Variants in KDM5A observed in about 807,000 individuals in gnomAD.
The protein encoded by KDM5A is lysine-specific demethylase 5A.
KDM5A carries 42 observed loss-of-function variants against 193.5 expected under a neutral mutation model. The observed-to-expected ratio is 0.22, with a 90% confidence interval of 0.17 to 0.28. The LOEUF is 0.28. Among genes scored for constraint, KDM5A ranks in the 10% least tolerant of loss-of-function variants. The pLI, the probability that KDM5A is intolerant of heterozygous loss-of-function variation, is 1.00. For missense variants in KDM5A, 1,692 were observed against 2,055.1 expected (o/e 0.82, Z 3.42); for synonymous variants, 796 against 718.1 (o/e 1.11, Z -1.73).
chr12:294,903 G>A (rs745413691), intron 26 of KDM5A, among the ~76,000 whole-genome samples: 32 of 152,268 alleles, frequency 2.1e-4, no homozygotes, highest in Admixed American at 3.3e-4. Context: ...AGGACCAAAT[G>A]AGCTCATGGA....
chr12:364,793 A>C lies in KDM5A; in HGVS notation c.537+1141T>G, dbSNP rs544870386. ...GAGTCTCATCTCAAAAAAAAAAAAA[A>C]AAACAAACAAACAAATTTACACATA... On this transcript the variant is annotated intron_variant, in intron 4 of 27. Coordinates refer to ENST00000399788, the MANE Select transcript of KDM5A (RefSeq NM_001042603.3). Among the ~76,000 whole-genome samples the C allele has an allele frequency of 3.0e-4, 46 of 151,508 alleles. 1 individual carries two copies. In the South Asian group the frequency reaches 6.7e-3, roughly 22 times the overall value.
At position 284,745 on chromosome 12, in the gene KDM5A, G is replaced by A; in HGVS notation, c.*711C>T. 1 of 232,908 alleles carries A rather than the reference G, an allele frequency of 4.3e-6. No homozygotes were observed. The highest frequency in any genetic ancestry group is 8.5e-6 in the Non-Finnish European group (1 of 117,788). 14.4% of individuals were successfully genotyped at this position (232,908 alleles called of 1,614,324 possible). On this transcript the variant is annotated 3_prime_UTR_variant, in exon 28 of 28. Coordinates refer to ENST00000399788, the MANE Select transcript of KDM5A (RefSeq NM_001042603.3). ...CCAAAAAACGGCTCCTTGCCTTGTAGTAGGTTCTTCTCCTCAGAATCCAAT... is the reference window on the plus strand; with the variant it reads ...CCAAAAAACGGCTCCTTGCCTTGTAATAGGTTCTTCTCCTCAGAATCCAAT...
At chr12:296,583 A>C (rs1943377379) in intron 25 of KDM5A, among the ~76,000 whole-genome samples, 1 of 152,170 alleles carries the variant, frequency 6.6e-6, no homozygotes, top group Admixed American at 6.5e-5. Context: ...TTGTGACCTA[A>C]AGTAATGTGA....
chr12:370,124 G>A (rs927488463), intron 3 of KDM5A, among the ~76,000 whole-genome samples: 1 of 152,194 alleles, frequency 6.6e-6, no homozygotes, highest in South Asian at 2.1e-4. Context: ...CAGGCATAGT[G>A]GCTCATGCCT....
chr12:300,067 G>A (rs1402224553), intron 24 of KDM5A, among the ~76,000 whole-genome samples: 2 of 151,972 alleles, frequency 1.3e-5, no homozygotes, highest in African/African-American at 2.4e-5. Flanking sequence ...AAGAGACTCA[G>A]ACTCCCACAC....
intron 14 of KDM5A, among the ~76,000 whole-genome samples, chr12:324,182 T>C (rs191579402): frequency 3.9e-5 from 6 of 152,252 alleles, no homozygotes; most frequent in African/African-American, 1.4e-4. Context: ...GGTGCATGCC[T>C]GTAGTCCCAG....
At chr12:306,218 C>T (rs551121092) in intron 24 of KDM5A, among the ~76,000 whole-genome samples, 1 of 152,084 alleles carries the variant, frequency 6.6e-6, no homozygotes, top group African/African-American at 2.4e-5. Context: ...AGTGATCCTT[C>T]CACCTCAGTC....
intron 24 of KDM5A, among the ~76,000 whole-genome samples, chr12:298,092 G>C (rs149015260): frequency 0.011 from 1,641 of 152,334 alleles, 14 homozygotes; most frequent in Middle Eastern, 0.027. Context: ...CAGAGCACCT[G>C]GGGGAAGGGG....
chr12:296,247 G>A (rs116438276), intron 25 of KDM5A, among the ~76,000 whole-genome samples: 59 of 151,786 alleles, frequency 3.9e-4, no homozygotes, highest in African/African-American at 1.4e-3. Context: ...TCTTGAACTA[G>A]GCAGGGGGAG....
At chr12:319,039 T>G (rs892511992) in intron 18 of KDM5A, among the ~76,000 whole-genome samples, 5 of 152,172 alleles carry the variant, frequency 3.3e-5, no homozygotes, top group African/African-American at 1.2e-4. Flanking sequence ...AGAATGAGCT[T>G]GGTGTGTTGC....
Position 321,098 on chromosome 12 carries a change from T to C in KDM5A, c.2438A>G (p.Asp813Gly). ...CAGTTTGGTCCGAGTCCTCCCACTA[T>C]CTGGGCTCTGTCTGATGTGAAATAA... ...SKKQKHRQSP[D>G]SGRTRTKLTV... is the part of the protein sequence containing the mutation. Residue 813 changes from aspartate to glycine, a missense_variant, in exon 18 of 28, where the codon GAT becomes GGT. This residue lies in a region of KDM5A where 965 missense variants were observed against 1,061.0 expected (regional missense o/e 0.91). Coordinates refer to ENST00000399788, the MANE Select transcript of KDM5A (RefSeq NM_001042603.3). 1 of 1,611,472 alleles carries C rather than the reference T, an allele frequency of 6.2e-7. No homozygotes were observed. The highest frequency in any genetic ancestry group is 8.5e-7 in the Non-Finnish European group (1 of 1,177,548).
chr12:311,566 G>A (rs971897340), intron 20 of KDM5A, among the ~76,000 whole-genome samples: 5 of 152,260 alleles, frequency 3.3e-5, no homozygotes, highest in South Asian at 4.1e-4. Context: ...AAATAAAACA[G>A]CCAATTAAAG....
chr12:321,814 T>G (rs1160259030), intron 17 of KDM5A, among the ~76,000 whole-genome samples: 4 of 152,202 alleles, frequency 2.6e-5, no homozygotes, highest in Non-Finnish European at 5.9e-5. Context: ...AGAGTTTCTA[T>G]TTGTTCATTT....
At chr12:339,283 T>C (rs1363354956) in intron 10 of KDM5A, among the ~76,000 whole-genome samples, 1 of 152,140 alleles carries the variant, frequency 6.6e-6, no homozygotes, top group Non-Finnish European at 1.5e-5. Context: ...AGTGAAAAGC[T>C]GGTAGTTATC....
rs1206888364 is a variant in KDM5A at position 310,028 on chromosome 12, T to C, written c.3217-64A>G. ...AAAATAATCTTAAAAGTAAAAATAA[T>C]AAAGGAACCATTTGTTGACTGTTCA... On this transcript the variant is annotated intron_variant, in intron 21 of 27. Transcript: ENST00000399788. 8 of 1,532,308 alleles carry C rather than the reference T, an allele frequency of 5.2e-6. No individual in the cohort carries two copies. The African/African-American group carries it at 1.1e-4, about 21-fold the overall frequency. The allele number at this position is 1,532,308 out of a possible 1,614,324, so 94.9% of individuals were successfully genotyped here.
In KDM5A at chr12:389,182, A is replaced by C; in HGVS notation, c.-91T>G. On this transcript the variant is annotated 5_prime_UTR_variant, in exon 1 of 28. Transcript: ENST00000399788. ...ACTAAGCCCGTTCAAGTCCCCTGAC[A>C]GAGGCCGAAGCGCATCTTCGCGGAC... 8.3e-7 allele frequency: 1 copy of C among 1,211,472 alleles called. No homozygotes were observed. Among genetic ancestry groups the C allele is most frequent in the Non-Finnish European group, 1.2e-6 (1 of 815,304 alleles). 75.0% of individuals were successfully genotyped at this position (1,211,472 alleles called of 1,614,324 possible). A position where few individuals can be genotyped will look rare whatever the true frequency, so the allele number is the denominator to read the frequency against.
chr12:380,974 T>C (rs933335746), intron 3 of KDM5A, among the ~76,000 whole-genome samples: 2 of 144,026 alleles, frequency 1.4e-5, no homozygotes, highest in Middle Eastern at 6.5e-3. Flanking sequence ...TTTTGCATAA[T>C]TAGTAGAGAT....
At chr12:332,379 T>A (rs1943876673) in intron 12 of KDM5A, among the ~76,000 whole-genome samples, 1 of 152,224 alleles carries the variant, frequency 6.6e-6, no homozygotes, top group Non-Finnish European at 1.5e-5. Flanking sequence ...AAATCAGTTT[T>A]CCTGAAATCT....
At chr12:320,474 C>T (rs1443283392) in intron 18 of KDM5A, among the ~76,000 whole-genome samples, 9 of 152,134 alleles carry the variant, frequency 5.9e-5, no homozygotes, top group East Asian at 3.9e-4. Flanking sequence ...CCAGCCTGGG[C>T]GACAGAGCGA....
Sources: allele counts gnomAD v4.1 joint callset (sites outside exome capture counted in the v4.1 genomes callset), GRCh38; gene constraint gnomAD v4.1.1; regional missense constraint gnomAD v4.1.1; transcripts MANE v1.5; gene names NCBI Gene and HGNC (gene_info 2026-07-23, HGNC 2026-07-21).